ADK: variants seen among roughly 807,000 people sequenced by gnomAD.
The protein encoded by ADK is adenosine kinase.
Under a neutral mutation model 44.7 loss-of-function variants are expected in ADK, and 24 were observed. The ratio of observed to expected loss-of-function variants is 0.54; its 90% CI spans 0.39 to 0.76. The LOEUF (loss-of-function observed/expected upper bound fraction) is 0.76, where lower values mean the gene tolerates loss of function less well. Ranked by LOEUF, ADK falls within the 30% of genes least tolerant of loss-of-function variation. The probability of loss-of-function intolerance (pLI) is 0.00; values close to 1 mark genes in which losing one functional copy is unlikely to be tolerated. For synonymous variants in ADK, 128 were observed against 142.6 expected, an observed-to-expected ratio of 0.90 and a Z score of 0.73; for missense variants, 321 against 425.1, an observed-to-expected ratio of 0.76 and a Z score of 2.15.
At chr10:74,604,759 A>G (rs1252293895) in intron 9 of ADK, among the ~76,000 whole-genome samples, 2 of 152,094 alleles carry the variant, frequency 1.3e-5, no homozygotes, top group Non-Finnish European at 2.9e-5. Context: ...GTTCCATATG[A>G]AATTTAATTT....
chr10:74,514,514 C>A (rs1221400493), intron 6 of ADK, among the ~76,000 whole-genome samples: 1 of 150,812 alleles, frequency 6.6e-6, no homozygotes, highest in South Asian at 2.1e-4. Context: ...TTCAGAAATT[C>A]TTCTTCTTGG....
At chr10:74,582,751 T>G (rs1417972458) in intron 7 of ADK, among the ~76,000 whole-genome samples, 16 of 152,216 alleles carry the variant, frequency 1.1e-4, no homozygotes, top group Admixed American at 1.0e-3. Context: ...TAGCTGTGCA[T>G]TGCCCCATAG....
intron 6 of ADK, among the ~76,000 whole-genome samples, chr10:74,516,195 T>C (rs1848566292): frequency 6.6e-6 from 1 of 152,126 alleles, no homozygotes; most frequent in Non-Finnish European, 1.5e-5. Context: ...CATGTGTTTG[T>C]GGTGGCAAAG....
chr10:74,232,339 C>T lies in ADK; in HGVS notation c.194+7748C>T, dbSNP rs182148655. The stretch of plus-strand genomic sequence containing the variant: ...TTTGAAACCAGCCTTGGCAACGTGG[C>T]GAAACCCTGTCTCTACTAAAAGTAT... On this transcript the variant is annotated intron_variant, in intron 3 of 10. Transcript: ENST00000539909. Among the ~76,000 whole-genome samples, 325 of 151,826 alleles carry T rather than the reference C, an allele frequency of 2.1e-3. 5 individuals are homozygous for T. The highest frequency in any genetic ancestry group is 0.021 in the Admixed American group (318 of 15,242).
intron 9 of ADK, among the ~76,000 whole-genome samples, chr10:74,613,549 A>G (rs943735155): frequency 2.6e-5 from 4 of 152,044 alleles, no homozygotes; most frequent in African/African-American, 9.7e-5. Flanking sequence ...GCCCTTTGTC[A>G]TTTTATTTTA....
At chr10:74,530,268 G>A (rs960607524) in intron 7 of ADK, among the ~76,000 whole-genome samples, 4 of 152,064 alleles carry the variant, frequency 2.6e-5, no homozygotes, top group Non-Finnish European at 5.9e-5. Context: ...CTTCTAAAAT[G>A]TGACGAAGGA....
chr10:74,374,562 CATTTTTT>C (rs1433069948), intron 4 of ADK, among the ~76,000 whole-genome samples: 1 of 152,050 alleles, frequency 6.6e-6, no homozygotes, highest in Non-Finnish European at 1.5e-5. Flanking sequence ...AATTATCTCC[CATTTTTT>C]GATTAGTTTT....
At chr10:74,374,277 A>G (rs1158255340) in intron 4 of ADK, among the ~76,000 whole-genome samples, 8 of 151,952 alleles carry the variant, frequency 5.3e-5, no homozygotes, top group Non-Finnish European at 1.2e-4. Flanking sequence ...GATGAATTGC[A>G]TAGTATGTGA....
intron 6 of ADK, among the ~76,000 whole-genome samples, chr10:74,482,502 T>C (rs1847111005): frequency 6.6e-6 from 1 of 152,152 alleles, no homozygotes; most frequent in East Asian, 1.9e-4. Context: ...CCAAATCTCA[T>C]GTCTTTCCTA....
At chr10:74,254,797 GAC>G (rs1374805555) in intron 3 of ADK, among the ~76,000 whole-genome samples, 1 of 152,146 alleles carries the variant, frequency 6.6e-6, no homozygotes, top group African/African-American at 2.4e-5. Flanking sequence ...TAGTTGCACA[GAC>G]ACAATGGACA....
intron 10 of ADK, among the ~76,000 whole-genome samples, chr10:74,691,899 C>T (rs1856002353): frequency 6.6e-6 from 1 of 152,056 alleles, no homozygotes; most frequent in Admixed American, 6.6e-5. Context: ...GCACTGGGAA[C>T]TCTCATTTAT....
intron 3 of ADK, among the ~76,000 whole-genome samples, chr10:74,292,848 T>TAA (rs1295879856): frequency 6.6e-6 from 1 of 152,198 alleles, no homozygotes; most frequent in Non-Finnish European, 1.5e-5. Context: ...AGTAGCTTCT[T>TAA]AGTTACTTTC....
chr10:74,613,060 G>A (rs1447041037), intron 9 of ADK, among the ~76,000 whole-genome samples: 1 of 152,064 alleles, frequency 6.6e-6, no homozygotes, highest in Non-Finnish European at 1.5e-5. Context: ...GTCAGGTAAT[G>A]TGATGCTTCT....
At position 74,239,035 on chromosome 10, in the gene ADK, A is replaced by T. The variant is rs187142638; in HGVS notation, c.194+14444A>T. 4.3e-4 allele frequency among the ~76,000 whole-genome samples: 66 copies of T among 151,828 alleles called. No homozygotes were observed. In the East Asian group the frequency reaches 5.6e-3, roughly 13 times the overall value. ...GCCACCATGCCCAGCTAATTTTTTCATATTTTTAGTAGAGAGTACTTTTTA... is the reference window on the plus strand; with the variant it reads ...GCCACCATGCCCAGCTAATTTTTTCTTATTTTTAGTAGAGAGTACTTTTTA... On this transcript the variant is annotated intron_variant, in intron 3 of 10. Transcript: ENST00000539909.
rs984119442 is a variant in ADK, at chr10:74,571,141, C to T, written c.727-18141C>T. Among the ~76,000 whole-genome samples, 16 of 152,292 alleles carry T rather than the reference C, an allele frequency of 1.1e-4. 1 individual carries two copies. The South Asian group carries it at 3.3e-3, about 32-fold the overall frequency. ...CTTTGCATCCCAGGGATGAAGCCCACTTGATCATGGTGGATAAGCTTTTTG... is the reference window on the plus strand; with the variant it reads ...CTTTGCATCCCAGGGATGAAGCCCATTTGATCATGGTGGATAAGCTTTTTG... On this transcript the variant is annotated intron_variant, in intron 7 of 10. Transcript: ENST00000539909.
intron 6 of ADK, among the ~76,000 whole-genome samples, chr10:74,429,454 G>A (rs1844905873): frequency 6.6e-6 from 1 of 152,132 alleles, no homozygotes; most frequent in African/African-American, 2.4e-5. Context: ...GAAAAAGATG[G>A]TTAGAATTAT....
chr10:74,506,451 T>C (rs948390779), intron 6 of ADK: 4 of 161,308 alleles, frequency 2.5e-5, no homozygotes, highest in African/African-American at 9.6e-5. Flanking sequence ...TTTACAGTAT[T>C]GCACTAAACA....
chr10:74,257,054 A>G (rs1481629432), intron 3 of ADK, among the ~76,000 whole-genome samples: 1 of 152,184 alleles, frequency 6.6e-6, no homozygotes, highest in Non-Finnish European at 1.5e-5. Flanking sequence ...TTGTTAAATA[A>G]AAGTGTGATA....
intron 3 of ADK, among the ~76,000 whole-genome samples, chr10:74,300,587 C>T (rs1284728170): frequency 6.6e-6 from 1 of 152,054 alleles, no homozygotes; most frequent in Non-Finnish European, 1.5e-5. Context: ...CCATGTTGAC[C>T]AGCCTGGTCT....
Sources: allele counts gnomAD v4.1 joint callset (sites outside exome capture counted in the v4.1 genomes callset), GRCh38; gene constraint gnomAD v4.1.1; transcripts MANE v1.5; gene names NCBI Gene and HGNC (gene_info 2026-07-23, HGNC 2026-07-21).